The following OLFM3 variants were observed in gnomAD, a reference collection of about 807,000 sequenced individuals.
OLFM3 encodes the protein noelin-3.
In OLFM3, 20 loss-of-function variants were observed where a neutral mutation model predicts 48.6. The ratio of observed to expected loss-of-function variants is 0.41; its 90% CI spans 0.29 to 0.60. The LOEUF is 0.60. Among genes scored for constraint, OLFM3 ranks in the 20% least tolerant of loss-of-function variants. The pLI is 0.28. For synonymous variants in OLFM3, 222 were observed against 198.1 expected (o/e 1.12, Z -1.01); for missense variants, 437 against 544.3 (o/e 0.80, Z 1.96).
At chr1:101,912,116 A>G (rs1262034032) in intron 1 of OLFM3, among the ~76,000 whole-genome samples, 1 of 152,142 alleles carries the variant, frequency 6.6e-6, no homozygotes, top group Non-Finnish European at 1.5e-5. Flanking sequence ...TATTCTCGGC[A>G]ATGAGCTGTG....
intron 1 of OLFM3, among the ~76,000 whole-genome samples, 199 bp from the exon 2 acceptor site, chr1:101,837,224 A>G (rs1259340092): frequency 2.0e-5 from 3 of 152,188 alleles, no homozygotes; most frequent in African/African-American, 4.8e-5. Context: ...TCAATGTCCA[A>G]AACAAGATCC....
At chr1:101,842,750 T>G (rs1264265373) in intron 1 of OLFM3, among the ~76,000 whole-genome samples, 1 of 152,196 alleles carries the variant, frequency 6.6e-6, no homozygotes, top group Admixed American at 6.5e-5. Flanking sequence ...CCCCCTCCAC[T>G]GAAGAAAAGC....
chr1:101,846,846 A>G (rs1362807512), intron 1 of OLFM3: 6 of 1,607,058 alleles, frequency 3.7e-6, no homozygotes, highest in Non-Finnish European at 3.4e-6. Flanking sequence ...GTAACTTACT[A>G]AGGTATCCGG....
chr1:101,880,998 A>G (rs1021817884), intron 1 of OLFM3, among the ~76,000 whole-genome samples: 7 of 151,932 alleles, frequency 4.6e-5, no homozygotes, highest in Non-Finnish European at 8.8e-5. Context: ...CTATCTGAAA[A>G]ATAAAATATG....
rs1398205593 is a variant in OLFM3, at chr1:101,806,226, T to C, written c.593-44A>G. 24 of 1,443,500 alleles carry C rather than the reference T, an allele frequency of 1.7e-5. No homozygotes were observed. In the East Asian group the frequency reaches 5.5e-4, roughly 33 times the overall value. 89.4% of individuals were successfully genotyped at this position (1,443,500 alleles called of 1,614,324 possible). A position where few individuals can be genotyped will look rare whatever the true frequency, so the allele number is the denominator to read the frequency against. On this transcript the variant is annotated intron_variant, in intron 4 of 5. Transcript: ENST00000370103. ...AAACGTGTTAGGTGAACGCAGCCAATGATTCCAATACGCATACTCACACTA... is the reference window on the plus strand; with the variant it reads ...AAACGTGTTAGGTGAACGCAGCCAACGATTCCAATACGCATACTCACACTA...
chr1:101,961,115 A>G (rs992168607), intron 1 of OLFM3, among the ~76,000 whole-genome samples: 3 of 152,160 alleles, frequency 2.0e-5, no homozygotes, highest in African/African-American at 4.8e-5. Flanking sequence ...ATGCTTATCT[A>G]TAGAACTGGT....
chr1:101,971,277 C>T (rs1056543580), intron 1 of OLFM3, among the ~76,000 whole-genome samples: 16 of 151,992 alleles, frequency 1.1e-4, no homozygotes, highest in Non-Finnish European at 7.4e-5. Context: ...GGTGCAGACA[C>T]GGGGATTGGT....
At chr1:101,850,283 T>C (rs1054222019) in intron 1 of OLFM3, among the ~76,000 whole-genome samples, 4 of 152,168 alleles carry the variant, frequency 2.6e-5, no homozygotes, top group Non-Finnish European at 5.9e-5. Context: ...TGTGCATTAT[T>C]GCTCATGGAA....
At chr1:101,985,756 G>C (rs926611077) in intron 1 of OLFM3, among the ~76,000 whole-genome samples, 7 of 152,086 alleles carry the variant, frequency 4.6e-5, no homozygotes. Context: ...ATAAGCCATA[G>C]TGCTTGGGAT....
chr1:101,918,562 C>CT (rs1557730087), intron 1 of OLFM3, among the ~76,000 whole-genome samples: 1 of 11,144 alleles, frequency 9.0e-5, no homozygotes, highest in African/African-American at 2.6e-4. Flanking sequence ...TCTCCTTCCT[C>CT]CTTTTTTTTT....
intron 1 of OLFM3, among the ~76,000 whole-genome samples, chr1:101,906,620 G>T (rs1347144284): frequency 6.6e-6 from 1 of 152,082 alleles, no homozygotes; most frequent in East Asian, 1.9e-4. Flanking sequence ...AACCATGGAA[G>T]AACCTAAGAT....
At chr1:101,813,245 A>G (rs1020425245) in intron 4 of OLFM3, 10 of 382,134 alleles carry the variant, frequency 2.6e-5, no homozygotes, top group African/African-American at 2.2e-4. Flanking sequence ...GTCAATATTA[A>G]ATAAAAATTA....
chr1:101,962,596 T>C (rs373698350), intron 1 of OLFM3, among the ~76,000 whole-genome samples: 26 of 152,252 alleles, frequency 1.7e-4, no homozygotes, highest in African/African-American at 6.0e-4. Context: ...TTCCATGGCT[T>C]TTTACATTTT....
intron 1 of OLFM3, among the ~76,000 whole-genome samples, chr1:101,926,429 G>T (rs1027608260): frequency 1.3e-5 from 2 of 152,120 alleles, no homozygotes; most frequent in East Asian, 1.9e-4. Context: ...GCAAGCCTTT[G>T]ATAGATCAAT....
chr1:101,832,319 G>C (rs182612860), intron 2 of OLFM3, among the ~76,000 whole-genome samples: 72 of 152,320 alleles, frequency 4.7e-4, no homozygotes, highest in Non-Finnish European at 2.9e-5. Flanking sequence ...ATCAGATAAA[G>C]TGGCAATGCT....
intron 1 of OLFM3, among the ~76,000 whole-genome samples, chr1:101,964,171 G>C (rs928008378): frequency 6.6e-6 from 1 of 152,094 alleles, no homozygotes; most frequent in Non-Finnish European, 1.5e-5. Context: ...TGGTGATGGT[G>C]GTTGTATATG....
intron 1 of OLFM3, among the ~76,000 whole-genome samples, chr1:101,948,932 C>T (rs1448053144): frequency 6.7e-6 from 1 of 149,320 alleles, no homozygotes; most frequent in Non-Finnish European, 1.5e-5. Flanking sequence ...AAAACAACAA[C>T]AAAAAACAAA....
chr1:101,940,569 C>T (rs2101058657), intron 1 of OLFM3, among the ~76,000 whole-genome samples: 1 of 151,696 alleles, frequency 6.6e-6, no homozygotes, highest in East Asian at 1.9e-4. Flanking sequence ...CATCTATCTA[C>T]ATTTGTGCTA....
chr1:101,822,901 T>A (rs1270472780), intron 4 of OLFM3, among the ~76,000 whole-genome samples: 9 of 152,096 alleles, frequency 5.9e-5, no homozygotes, highest in Non-Finnish European at 1.2e-4. Flanking sequence ...ATTTAAGTGC[T>A]ATGTTAAATA....
Sources: allele counts gnomAD v4.1 joint callset (sites outside exome capture counted in the v4.1 genomes callset), GRCh38; gene constraint gnomAD v4.1.1; transcripts MANE v1.5; gene names NCBI Gene and HGNC (gene_info 2026-07-23, HGNC 2026-07-21).